Variants in CSPP1 observed in about 807,000 individuals in gnomAD.
The protein encoded by CSPP1 is centrosome and spindle pole-associated protein 1.
A neutral mutation model predicts 164.4 loss-of-function variants in CSPP1; 126 were observed. The ratio of observed to expected loss-of-function variants is 0.77; its 90% CI spans 0.66 to 0.89. The LOEUF is 0.89. Among genes scored for constraint, CSPP1 ranks in the 40% least tolerant of loss-of-function variants. CSPP1 has a pLI of 0.00. For missense variants in CSPP1, 1,395 were observed against 1,449.8 expected, an observed-to-expected ratio of 0.96 and a Z score of 0.61; for synonymous variants, 472 against 476.7, an observed-to-expected ratio of 0.99 and a Z score of 0.13.
At chr8:67,088,857 A>G (rs75126943) in intron 4 of CSPP1, among the ~76,000 whole-genome samples, 30,388 of 150,462 alleles carry the variant, frequency 0.2, 3,664 homozygotes, top group East Asian at 0.36. Context: ...AGATCGCGCC[A>G]CTGCACTCCA....
intron 3 of CSPP1, chr8:67,083,684 T>TA (rs1809805801): frequency 6.6e-6 from 1 of 151,540 alleles, no homozygotes; most frequent in African/African-American, 2.4e-5. Context: ...ACCTTAAACT[T>TA]ACACTTTTTG....
chr8:67,091,969 A>C, intron 5 of CSPP1, 86 bp downstream of exon 5: 4 of 349,762 alleles, frequency 1.1e-5, no homozygotes, highest in African/African-American at 2.2e-5. Context: ...TTAAATGCAA[A>C]TGGAAGATCA....
Position 67,193,875 on chromosome 8 carries a change from C to A in CSPP1, c.3469+273C>A, listed in dbSNP as rs144835315. Among the ~76,000 whole-genome samples, 176 of 152,290 alleles carry A rather than the reference C, an allele frequency of 1.2e-3. 1 individual carries two copies. Among genetic ancestry groups the A allele is most frequent in the African/African-American group, 4.2e-3 (173 of 41,560 alleles). On this transcript the variant is annotated intron_variant, in intron 30 of 30. Coordinates refer to ENST00000678616, the MANE Select transcript of CSPP1 (RefSeq NM_001382391.1). The stretch of plus-strand genomic sequence containing the variant: ...ATTAAACATATCCAGGCTTTGCTTT[C>A]AGCAAAGAAAATGCTATATGATAAT...
At chr8:67,105,117 C>G (rs1035308146) in intron 8 of CSPP1, among the ~76,000 whole-genome samples, 5 of 146,838 alleles carry the variant, frequency 3.4e-5, no homozygotes, top group African/African-American at 1.0e-4. Flanking sequence ...CCTCTGCCTT[C>G]CAGGTTCAAG....
At chr8:67,105,859 T>C in intron 8 of CSPP1, 46 bp from the exon 9 acceptor site, 1 of 1,107,360 alleles carries the variant, frequency 9.0e-7, no homozygotes, top group Non-Finnish European at 1.4e-6. Flanking sequence ...TCCTGAAAAT[T>C]ATCTGGATTT....
chr8:67,065,435 GC>G (rs1805341351), intron 1 of CSPP1: 12 of 515,740 alleles, frequency 2.3e-5, no homozygotes, highest in Non-Finnish European at 2.7e-5. Flanking sequence ...AAATGCAGGG[GC>G]TTAAAAGCAA....
intron 28 of CSPP1, among the ~76,000 whole-genome samples, chr8:67,186,996 TCTATCTATCTATCTATC>T (rs1834830993): frequency 6.6e-6 from 1 of 151,778 alleles, no homozygotes; most frequent in African/African-American, 2.4e-5. Flanking sequence ...TATCTATCTA[TCTATCTATCTATCTATC>T]TAATCTATCT....
chr8:67,160,207 T>G (rs1301471392), intron 21 of CSPP1, among the ~76,000 whole-genome samples: 5 of 150,490 alleles, frequency 3.3e-5, no homozygotes, highest in African/African-American at 4.9e-5. Context: ...TATTGTAAAA[T>G]TCATCATTTA....
chr8:67,069,413 T>C lies in CSPP1; in HGVS notation c.-10-4830T>C, dbSNP rs1382511670. 2.6e-5 allele frequency among the ~76,000 whole-genome samples: 4 copies of C among 152,214 alleles called. No individual in the cohort carries two copies. In the East Asian group the frequency reaches 7.7e-4, roughly 29 times the overall value. On this transcript the variant is annotated intron_variant, in intron 1 of 30. Coordinates refer to ENST00000678616, the MANE Select transcript of CSPP1 (RefSeq NM_001382391.1). ...TGTTTTATTTGTACTTTTTGTACTT[T>C]TGATTACTGTAAGTTAAAATCAGTT... is the stretch of plus-strand genomic sequence containing the variant.
intron 28 of CSPP1, among the ~76,000 whole-genome samples, chr8:67,187,125 G>A (rs1432497383): frequency 6.6e-6 from 1 of 152,130 alleles, no homozygotes; most frequent in African/African-American, 2.4e-5. Flanking sequence ...ACTCAGTATT[G>A]TCAAGATGTC....
intron 4 of CSPP1, among the ~76,000 whole-genome samples, chr8:67,091,486 C>A (rs1811596427): frequency 6.6e-6 from 1 of 152,186 alleles, no homozygotes; most frequent in Non-Finnish European, 1.5e-5. Flanking sequence ...ATGAAGAGTA[C>A]ATGCTTAGAA....
At chr8:67,134,490 G>A (rs1467937734) in intron 16 of CSPP1, 2 of 151,024 alleles carry the variant, frequency 1.3e-5, no homozygotes, top group African/African-American at 2.4e-5. Flanking sequence ...AAACAGTTGT[G>A]CAGCAATACA....
At chr8:67,161,650 AT>A (rs1828377471) in intron 21 of CSPP1, among the ~76,000 whole-genome samples, 160 bp from the exon 22 acceptor site, 1 of 152,196 alleles carries the variant, frequency 6.6e-6, no homozygotes, top group Non-Finnish European at 1.5e-5. Flanking sequence ...ATCTTATGTA[AT>A]TGAATTTCTG....
At chr8:67,132,988 A>G (rs1261474572) in intron 16 of CSPP1, among the ~76,000 whole-genome samples, 1 of 152,206 alleles carries the variant, frequency 6.6e-6, no homozygotes, top group African/African-American at 2.4e-5. Context: ...ACTTTCTTGA[A>G]AGATAGATTT....
At chr8:67,129,842 G>A (rs1820848124) in intron 15 of CSPP1, among the ~76,000 whole-genome samples, 1 of 152,218 alleles carries the variant, frequency 6.6e-6, no homozygotes, top group Admixed American at 6.5e-5. Flanking sequence ...ACCTGGGGCT[G>A]AGGGTTGAGT....
intron 25 of CSPP1, 40 bp from the exon 26 acceptor site, chr8:67,175,256 C>A: frequency 1.3e-6 from 2 of 1,489,642 alleles, no homozygotes; most frequent in Non-Finnish European, 1.8e-6. Context: ...CATTTGAAAA[C>A]AACATTTAAC....
chr8:67,102,889 A>T, intron 7 of CSPP1, 148 bp from the exon 8 acceptor site: 1 of 464,014 alleles, frequency 2.2e-6, no homozygotes, highest in Non-Finnish European at 3.8e-6. Flanking sequence ...TACAAATTCT[A>T]TTTAATTTTA....
intron 19 of CSPP1, 146 bp downstream of exon 19, chr8:67,154,282 G>T (rs1157045311): frequency 3.9e-6 from 2 of 511,276 alleles, no homozygotes; most frequent in African/African-American, 3.9e-5. Context: ...GATATCAGTA[G>T]TACAAAAGTT....
rs543791460 is a variant in CSPP1 at position 67,130,935 on chromosome 8, C to A, written c.1698-1016C>A. ...CCCGGGAGGCGGATGTTGCAGTGAG[C>A]GGAGATGGCACCATCGCACTTCAGC... On this transcript the variant is annotated intron_variant, in intron 15 of 30. Transcript: ENST00000678616. Among the ~76,000 whole-genome samples the A allele has an allele frequency of 3.2e-3, 486 of 152,158 alleles. 3 individuals carry two copies. Among genetic ancestry groups the A allele is most frequent in the African/African-American group, 0.011 (468 of 41,504 alleles).
Sources: allele counts gnomAD v4.1 joint callset (sites outside exome capture counted in the v4.1 genomes callset), GRCh38; gene constraint gnomAD v4.1.1; transcripts MANE v1.5; gene names NCBI Gene and HGNC (gene_info 2026-07-23, HGNC 2026-07-21).